Variants in STAC observed in about 807,000 individuals in gnomAD.
STAC encodes the protein SH3 and cysteine-rich domain-containing protein.
A neutral mutation model predicts 48.8 loss-of-function variants in STAC; 43 were observed. The observed-to-expected ratio is 0.88, with a 90% CI of 0.69 to 1.14. The LOEUF is 1.14. STAC is among the 50% of genes most tolerant of loss of function. The probability of loss-of-function intolerance (pLI) is 0.00; values close to 1 mark genes in which losing one functional copy is unlikely to be tolerated. For missense variants in STAC, 497 were observed against 504.0 expected, an observed-to-expected ratio of 0.99 and a Z score of 0.13; for synonymous variants, 193 against 179.5, an observed-to-expected ratio of 1.07 and a Z score of -0.60.
chr3:36,486,840 T>C (rs1251854477), intron 5 of STAC, among the ~76,000 whole-genome samples: 1 of 152,212 alleles, frequency 6.6e-6, no homozygotes, highest in Non-Finnish European at 1.5e-5. Context: ...TATCATCATC[T>C]TGTCTCTGGT....
At chr3:36,529,056 T>C (rs1699006060) in intron 10 of STAC, 71 bp downstream of exon 10, 1 of 1,408,180 alleles carries the variant, frequency 7.1e-7, no homozygotes, top group East Asian at 2.4e-5. Flanking sequence ...CTTAATAATA[T>C]GTATAAATCT....
intron 10 of STAC, among the ~76,000 whole-genome samples, chr3:36,535,011 C>A (rs1699165646): frequency 6.6e-6 from 1 of 151,992 alleles, no homozygotes; most frequent in African/African-American, 2.4e-5. Flanking sequence ...TTTAAAATAC[C>A]ATAAAACATT....
At chr3:36,401,738 T>C (rs924755217) in intron 1 of STAC, among the ~76,000 whole-genome samples, 3 of 152,120 alleles carry the variant, frequency 2.0e-5, no homozygotes, top group African/African-American at 7.2e-5. Flanking sequence ...GCTCAAACAT[T>C]TTGAAGAAAT....
chr3:36,394,753 C>T (rs1019065809), intron 1 of STAC, among the ~76,000 whole-genome samples: 6 of 151,862 alleles, frequency 4.0e-5, no homozygotes, highest in East Asian at 1.9e-4. Flanking sequence ...AAAAATTAGC[C>T]GGGTGCGGTG....
intron 1 of STAC, among the ~76,000 whole-genome samples, chr3:36,406,593 A>G (rs1575179016): frequency 6.6e-6 from 1 of 152,362 alleles, no homozygotes; most frequent in East Asian, 1.9e-4. Context: ...ACTTACCAGC[A>G]TGTGTTATAA....
intron 5 of STAC, among the ~76,000 whole-genome samples, chr3:36,490,299 T>A (rs1236220345): frequency 6.6e-6 from 1 of 152,182 alleles, no homozygotes; most frequent in Non-Finnish European, 1.5e-5. Context: ...TTGCTGTCAA[T>A]GAGTTGCTTC....
At chr3:36,453,934 G>T (rs1324018373) in intron 2 of STAC, among the ~76,000 whole-genome samples, 1 of 152,096 alleles carries the variant, frequency 6.6e-6, no homozygotes, top group Non-Finnish European at 1.5e-5. Context: ...AGCTACTCTG[G>T]TGGGGACTTG....
intron 2 of STAC, among the ~76,000 whole-genome samples, chr3:36,477,937 G>A (rs1697535955): frequency 1.3e-5 from 2 of 152,106 alleles, no homozygotes; most frequent in African/African-American, 2.4e-5. Flanking sequence ...TCTGCTTTTT[G>A]TGACAGTAGT....
Position 36,542,389 on chromosome 3 carries a change from C to T in STAC, c.1111-3802C>T, listed in dbSNP as rs551630502. Among the ~76,000 whole-genome samples, 80 of 152,246 alleles carry T rather than the reference C, an allele frequency of 5.3e-4. No individual in the cohort carries two copies. The South Asian group carries it at 9.5e-3, about 18-fold the overall frequency. On this transcript the variant is annotated intron_variant, in intron 10 of 10. Transcript: ENST00000273183. Reference sequence around the variant, plus strand: ...AGCCAAAGGTCTTAGCAGAATTTAGCGTGGCTTGCATTTCCTGCATACTCT... The same window carrying T: ...AGCCAAAGGTCTTAGCAGAATTTAGTGTGGCTTGCATTTCCTGCATACTCT...
At position 36,380,673 on chromosome 3, in the gene STAC, C is replaced by A. The variant is rs376406921; in HGVS notation, c.30C>A (p.Asp10Glu). 6.2e-7 allele frequency: 1 copy of A among 1,605,800 alleles called. No homozygotes were observed. Reference protein sequence around the residue: MIPPSSPREDGVDGLPKEAV... With the variant: MIPPSSPREEGVDGLPKEAV... ...TCCCTCCGAGCAGCCCCCGCGAGGACGGCGTGGACGGGCTGCCCAAGGAGG... is the reference window on the plus strand; with the variant it reads ...TCCCTCCGAGCAGCCCCCGCGAGGAAGGCGTGGACGGGCTGCCCAAGGAGG... The change falls in exon 1 of 11, where the codon GAC becomes GAA. Residue 10 changes from aspartate to glutamate, a missense_variant. Coordinates refer to ENST00000273183, the MANE Select transcript of STAC (RefSeq NM_003149.3).
At chr3:36,542,077 G>T (rs1355873322) in intron 10 of STAC, among the ~76,000 whole-genome samples, 2 of 151,982 alleles carry the variant, frequency 1.3e-5, no homozygotes, top group Non-Finnish European at 2.9e-5. Flanking sequence ...GAAAGTCAAG[G>T]GTAGGGGAGA....
intron 8 of STAC, among the ~76,000 whole-genome samples, chr3:36,516,118 G>A (rs1215302280): frequency 4.6e-5 from 7 of 151,452 alleles, no homozygotes; most frequent in African/African-American, 1.7e-4. Flanking sequence ...CAAGTAGCTG[G>A]GATTACAGGC....
Position 36,443,423 on chromosome 3 carries a change from T to C in STAC, c.171T>C (p.Ala57=), listed in dbSNP as rs765130991. 2.5e-6 allele frequency: 4 copies of C among 1,614,216 alleles called. No homozygotes were observed. The highest frequency in any genetic ancestry group is 1.1e-5 in the South Asian group (1 of 91,078). The part of the protein sequence containing the change: ...FKTKSLRSKS[A]DNFFQRTNSE... ...CCAAGAGTTTACGGAGCAAAAGTGC[T>C]GACAACTTCTTCCAGCGAACCAACA... The change falls in exon 2 of 11, where the codon GCT becomes GCC. Residue 57 remains alanine, a synonymous_variant. Transcript: ENST00000273183. This position sits in a 1 kb window ranked among gnomAD's most constrained non-coding sequence, Gnocchi z 4.2.
chr3:36,507,643 T>G (rs1026934069), intron 8 of STAC, among the ~76,000 whole-genome samples: 1 of 152,194 alleles, frequency 6.6e-6, no homozygotes, highest in African/African-American at 2.4e-5. Flanking sequence ...GATTTAGTCT[T>G]GGGAGGGTGT....
intron 8 of STAC, among the ~76,000 whole-genome samples, chr3:36,525,974 T>C (rs1372799823): frequency 2.6e-5 from 4 of 152,186 alleles, no homozygotes; most frequent in African/African-American, 7.2e-5. Flanking sequence ...TTCCTAAACA[T>C]GTCAGAAAAT....
chr3:36,394,190 T>A (rs1285130969), intron 1 of STAC, among the ~76,000 whole-genome samples: 1 of 152,152 alleles, frequency 6.6e-6, no homozygotes, highest in African/African-American at 2.4e-5. Flanking sequence ...TGTGGCTAGT[T>A]AAGTTTATAT....
At chr3:36,426,821 C>G (rs1222747510) in intron 1 of STAC, among the ~76,000 whole-genome samples, 1 of 151,774 alleles carries the variant, frequency 6.6e-6, no homozygotes, top group Non-Finnish European at 1.5e-5. Context: ...TCTCATCACA[C>G]TCTTCTAACA....
intron 8 of STAC, among the ~76,000 whole-genome samples, chr3:36,528,379 G>A (rs541383200): frequency 1.3e-5 from 2 of 151,454 alleles, no homozygotes; most frequent in East Asian, 3.9e-4. Context: ...TGAGGCAGGA[G>A]AATAGCTTGA....
rs142347097 is a variant in STAC at position 36,471,598 on chromosome 3, A to G, written c.389-11394A>G. Among the ~76,000 whole-genome samples the G allele has an allele frequency of 7.2e-3, 1,092 of 152,332 alleles. 7 individuals are homozygous for G. Among genetic ancestry groups the G allele is most frequent in the Non-Finnish European group, 9.2e-3 (623 of 68,030 alleles). On this transcript the variant is annotated intron_variant, in intron 2 of 10. Transcript: ENST00000273183. ...TTCCTATAATGGGGGTACAGGTGTT[A>G]GGTAAATATAGCTGTTCCAGATGGG...
Sources: gnomAD v4.1 joint callset for allele counts (sites outside exome capture counted in the v4.1 genomes callset) on GRCh38, gnomAD v4.1.1 for gene constraint, Gnocchi (gnomAD v3.1) non-coding constraint, MANE v1.5 for transcripts, NCBI Gene and HGNC (gene_info 2026-07-23, HGNC 2026-07-21) for gene names.